ESRRG: variants seen among roughly 807,000 people sequenced by gnomAD.
ESRRG encodes estrogen-related receptor gamma.
Under a neutral mutation model 44.0 loss-of-function variants are expected in ESRRG, and 13 were observed. The ratio of observed to expected loss-of-function variants is 0.30; its 90% CI spans 0.19 to 0.47. The LOEUF is 0.47. Ranked by LOEUF, ESRRG falls within the 20% of genes least tolerant of loss-of-function variation. The pLI, the probability that ESRRG is intolerant of heterozygous loss-of-function variation, is 1.00. For missense variants in ESRRG, 395 were observed against 580.6 expected, an observed-to-expected ratio of 0.68 and a Z score of 3.29; for synonymous variants, 215 against 214.6, an observed-to-expected ratio of 1.00 and a Z score of -0.02.
intron 1 of ESRRG, among the ~76,000 whole-genome samples, chr1:217,035,007 T>A (rs2082632595): frequency 6.6e-6 from 1 of 152,104 alleles, no homozygotes; most frequent in African/African-American, 2.4e-5. Context: ...AAATGTCAAA[T>A]CCCCCTTGCT....
intron 1 of ESRRG, among the ~76,000 whole-genome samples, chr1:217,100,655 G>A (rs1033446393): frequency 1.3e-5 from 2 of 152,186 alleles, no homozygotes; most frequent in East Asian, 1.9e-4. Flanking sequence ...ACCTGCTTCT[G>A]GTGAGGCCTC....
At chr1:216,707,565 C>A in intron 1 of ESRRG, 1 of 1,390,338 alleles carries the variant, frequency 7.2e-7, no homozygotes, top group Non-Finnish European at 9.5e-7. Flanking sequence ...CTACTTAAGT[C>A]CTGAATTTAT....
At chr1:216,837,923 G>C (rs1163114312) in intron 2 of ESRRG, among the ~76,000 whole-genome samples, 1 of 152,186 alleles carries the variant, frequency 6.6e-6, no homozygotes, top group Admixed American at 6.6e-5. Flanking sequence ...CCAATAGAGA[G>C]AGTAGACTTA....
intron 1 of ESRRG, among the ~76,000 whole-genome samples, chr1:216,961,516 T>C (rs2069051453): frequency 6.6e-6 from 1 of 151,584 alleles, no homozygotes; most frequent in Admixed American, 6.6e-5. Context: ...TTTAAGTATA[T>C]TCCTACATTC....
intron 3 of ESRRG, among the ~76,000 whole-genome samples, chr1:216,626,572 C>T (rs116801976): frequency 1.3e-3 from 199 of 152,340 alleles, no homozygotes; most frequent in African/African-American, 4.4e-3. Flanking sequence ...CTTGGGTGCC[C>T]TGGGGCAGTG....
intron 2 of ESRRG, among the ~76,000 whole-genome samples, chr1:216,916,789 A>G (rs2061219578): frequency 7.0e-6 from 1 of 143,304 alleles, no homozygotes; most frequent in Non-Finnish European, 1.5e-5. Context: ...ATATACATAC[A>G]TTACAGCCAG....
At chr1:216,575,969 G>T (rs1237117313) in intron 3 of ESRRG, among the ~76,000 whole-genome samples, 1 of 151,996 alleles carries the variant, frequency 6.6e-6, no homozygotes, top group Non-Finnish European at 1.5e-5. Context: ...TCACAGCTAT[G>T]AGATTGTGAA....
At chr1:217,011,787 C>T (rs1341827722) in intron 1 of ESRRG, among the ~76,000 whole-genome samples, 1 of 152,178 alleles carries the variant, frequency 6.6e-6, no homozygotes, top group African/African-American at 2.4e-5. Context: ...TGCCTTCCTC[C>T]TCTTGTGGCT....
intron 1 of ESRRG, among the ~76,000 whole-genome samples, chr1:216,949,061 A>G (rs759390521): frequency 1.3e-5 from 2 of 152,132 alleles, no homozygotes; most frequent in Admixed American, 6.6e-5. Context: ...GAAAGAAGAG[A>G]GCGCTCTGCC....
chr1:216,738,535 T>A (rs1306656972), intron 2 of ESRRG, among the ~76,000 whole-genome samples: 1 of 152,232 alleles, frequency 6.6e-6, no homozygotes, highest in Non-Finnish European at 1.5e-5. Context: ...TTGCTTTTCA[T>A]TTTCTTCCTT....
rs543822084 is a variant in ESRRG at position 216,574,686 on chromosome 1, C to T, written c.590-6588G>A. ...AGACCCATGGAATAGTTAAGAAAGA[C>T]GCAAATATTCACATTAAAGTAATAA... is the stretch of plus-strand genomic sequence containing the variant. On this transcript the variant is annotated intron_variant, in intron 3 of 6. Coordinates refer to ENST00000408911, the MANE Select transcript of ESRRG (RefSeq NM_001438.4). Among the ~76,000 whole-genome samples, 18 of 152,108 alleles carry T rather than the reference C, an allele frequency of 1.2e-4. 1 individual carries two copies. Among genetic ancestry groups the T allele is most frequent in the South Asian group, 4.2e-4 (2 of 4,818 alleles).
intron 1 of ESRRG, among the ~76,000 whole-genome samples, chr1:216,942,324 C>T (rs370359451): frequency 6.6e-6 from 1 of 152,190 alleles, no homozygotes; most frequent in African/African-American, 2.4e-5. Flanking sequence ...CTTATGGACA[C>T]CTGGGTTGAT....
At chr1:216,925,500 G>A (rs957690545) in intron 2 of ESRRG, among the ~76,000 whole-genome samples, 9 of 152,146 alleles carry the variant, frequency 5.9e-5, no homozygotes, top group African/African-American at 1.7e-4. Context: ...AGCGGTTCCC[G>A]GAAGGAGTAT....
intron 1 of ESRRG, among the ~76,000 whole-genome samples, chr1:216,686,356 A>G (rs2077949375): frequency 6.6e-6 from 1 of 151,810 alleles, no homozygotes; most frequent in South Asian, 2.1e-4. Context: ...GCAAGGGAAA[A>G]TAACATATAT....
intron 2 of ESRRG, among the ~76,000 whole-genome samples, chr1:216,808,980 G>A (rs1322768557): frequency 4.6e-5 from 7 of 151,998 alleles, no homozygotes; most frequent in Admixed American, 4.6e-4. Flanking sequence ...AAGAAAGGAG[G>A]GAGAGAAGAA....
intron 2 of ESRRG, among the ~76,000 whole-genome samples, chr1:216,916,486 A>G (rs1439908876): frequency 6.6e-6 from 1 of 152,260 alleles, no homozygotes; most frequent in African/African-American, 2.4e-5. Context: ...AAACATTTAC[A>G]TGGCATTTGC....
At chr1:216,751,811 G>A (rs1246688355) in intron 2 of ESRRG, among the ~76,000 whole-genome samples, 1 of 140,536 alleles carries the variant, frequency 7.1e-6, no homozygotes, top group Non-Finnish European at 1.5e-5. Context: ...CGTATTAGAT[G>A]GAAGAATATT....
At chr1:217,061,650 C>T (rs1047036475) in intron 1 of ESRRG, among the ~76,000 whole-genome samples, 1 of 151,984 alleles carries the variant, frequency 6.6e-6, no homozygotes, top group African/African-American at 2.4e-5. Flanking sequence ...ATTAAATTTG[C>T]TGTGCAGAAA....
intron 1 of ESRRG, among the ~76,000 whole-genome samples, chr1:217,085,602 T>C (rs1326004475): frequency 6.9e-6 from 1 of 145,558 alleles, no homozygotes; most frequent in Admixed American, 7.1e-5. Flanking sequence ...GCCATTCTCC[T>C]GCCTCAGCCT....
Sources: gnomAD v4.1 joint callset for allele counts (sites outside exome capture counted in the v4.1 genomes callset) on GRCh38, gnomAD v4.1.1 for gene constraint, MANE v1.5 for transcripts, NCBI Gene and HGNC (gene_info 2026-07-23, HGNC 2026-07-21) for gene names.